Variants in MRC1 observed in about 807,000 individuals in gnomAD.
The protein encoded by MRC1 is macrophage mannose receptor 1.
In MRC1, 62 loss-of-function variants were observed where a neutral mutation model predicts 102.9. That is an observed-to-expected ratio of 0.60 (90% confidence interval 0.49 to 0.74). The LOEUF (loss-of-function observed/expected upper bound fraction) is 0.74. MRC1 is among the 30% of genes least tolerant of loss of function. MRC1 has a pLI of 0.00. For missense variants in MRC1, 1,237 were observed against 862.8 expected, an observed-to-expected ratio of 1.43 and a Z score of -5.43; for synonymous variants, 457 against 298.4, an observed-to-expected ratio of 1.53 and a Z score of -5.48.
chr10:17,828,169 C>G (rs1374489681), intron 3 of MRC1, among the ~76,000 whole-genome samples: 1 of 152,166 alleles, frequency 6.6e-6, no homozygotes, highest in East Asian at 1.9e-4. Context: ...CTCCGCCTCC[C>G]GAGTTCACGC....
chr10:17,868,089 A>C (rs1833302876), intron 12 of MRC1, among the ~76,000 whole-genome samples: 1 of 152,182 alleles, frequency 6.6e-6, no homozygotes, highest in African/African-American at 2.4e-5. Flanking sequence ...ATAACAAACA[A>C]AAACCCCAAT....
chr10:17,855,571 CAAA>C (rs35692453), intron 8 of MRC1, among the ~76,000 whole-genome samples: 6 of 42,084 alleles, frequency 1.4e-4, no homozygotes, highest in Admixed American at 1.1e-3. Flanking sequence ...GACTCCGTCT[CAAA>C]AAAAAAAAAA....
chr10:17,824,321 G>A (rs1838441810), intron 2 of MRC1, among the ~76,000 whole-genome samples: 1 of 152,172 alleles, frequency 6.6e-6, no homozygotes, highest in Non-Finnish European at 1.5e-5. Flanking sequence ...TCGTTATTGT[G>A]AAGTGTTATC....
chr10:17,841,236 A>G (rs1244048750), intron 5 of MRC1, among the ~76,000 whole-genome samples: 1 of 152,220 alleles, frequency 6.6e-6, no homozygotes, highest in Admixed American at 6.5e-5. Flanking sequence ...GTAAAGTTTG[A>G]CAAGTGGATT....
intron 22 of MRC1, among the ~76,000 whole-genome samples, chr10:17,891,169 T>C (rs1051683995): frequency 3.3e-4 from 50 of 150,272 alleles, no homozygotes; most frequent in Admixed American, 1.9e-3. Flanking sequence ...ATTTATTTAT[T>C]TATTTATTTA....
rs1833344797 is a variant in MRC1, at chr10:17,870,839, A to G, written c.2112-9A>G. ...AGCATATGCTTTCTTTATGTTTTGG[A>G]TTTCATAGAGCTAGTGGAAGCTACC... On this transcript the variant is annotated splice_polypyrimidine_tract_variant and intron_variant, in intron 13 of 29. Coordinates refer to ENST00000569591, the MANE Select transcript of MRC1 (RefSeq NM_002438.4). 4.6e-6 allele frequency: 4 copies of G among 872,246 alleles called. No individual in the cohort carries two copies. The highest frequency in any genetic ancestry group is 8.0e-6 in the Non-Finnish European group (4 of 501,170). The allele number at this position is 872,246 out of a possible 1,614,324, so 54.0% of individuals were successfully genotyped here.
chr10:17,862,405 A>G (rs1285085513), intron 10 of MRC1, among the ~76,000 whole-genome samples: 2 of 152,174 alleles, frequency 1.3e-5, no homozygotes, highest in Non-Finnish European at 2.9e-5. Flanking sequence ...TCTGTGAGGG[A>G]GGTAAACTGC....
chr10:17,823,586 A>G (rs1328645349), intron 2 of MRC1, 111 bp downstream of exon 2: 1 of 745,100 alleles, frequency 1.3e-6, no homozygotes, highest in African/African-American at 1.7e-5. Flanking sequence ...AGAAATATCA[A>G]TTGATCAGCA....
At chr10:17,900,128 A>G (rs1295957944) in intron 24 of MRC1, among the ~76,000 whole-genome samples, 5 of 150,742 alleles carry the variant, frequency 3.3e-5, no homozygotes, top group African/African-American at 1.2e-4. Flanking sequence ...AAAGAAATTG[A>G]CTGTGCAAGT....
At chr10:17,845,218 A>G (rs782525680) in intron 5 of MRC1, 71 bp from the exon 6 acceptor site, 2 of 780,508 alleles carry the variant, frequency 2.6e-6, no homozygotes, top group Non-Finnish European at 4.8e-6. Context: ...AGACATGAGG[A>G]GACGTGGGAG....
At chr10:17,815,289 G>A (rs1838293674) in intron 1 of MRC1, among the ~76,000 whole-genome samples, 1 of 152,160 alleles carries the variant, frequency 6.6e-6, no homozygotes, top group Non-Finnish European at 1.5e-5. Context: ...AAATCCTAGA[G>A]CTCTGATTAT....
chr10:17,827,895 A>G (rs889812069), intron 3 of MRC1, among the ~76,000 whole-genome samples, 180 bp downstream of exon 3: 49 of 152,254 alleles, frequency 3.2e-4, no homozygotes, highest in Admixed American at 7.2e-4. Flanking sequence ...AAAATGATCT[A>G]TATTGGCTGA....
At chr10:17,838,580 A>G (rs1467072349) in intron 4 of MRC1, among the ~76,000 whole-genome samples, 2 of 152,150 alleles carry the variant, frequency 1.3e-5, no homozygotes, top group Admixed American at 6.5e-5. Flanking sequence ...GAAAGTAAAA[A>G]AAACAGTGTA....
chr10:17,847,998 T>C (rs1440155587), intron 6 of MRC1, among the ~76,000 whole-genome samples: 1 of 151,514 alleles, frequency 6.6e-6, no homozygotes, highest in Non-Finnish European at 1.5e-5. Context: ...TTTTTAAATA[T>C]GCATTTTTTA....
intron 2 of MRC1, among the ~76,000 whole-genome samples, chr10:17,826,883 C>G (rs970554251): frequency 1.2e-4 from 19 of 152,262 alleles, no homozygotes; most frequent in African/African-American, 9.6e-5. Flanking sequence ...GAGAACAATG[C>G]CAAAATGTCT....
At chr10:17,896,378 T>C (rs1589195005) in intron 23 of MRC1, among the ~76,000 whole-genome samples, 2 of 152,246 alleles carry the variant, frequency 1.3e-5, no homozygotes, top group African/African-American at 4.8e-5. Context: ...TATACTACAC[T>C]CTATAGCACC....
Position 17,863,603 on chromosome 10 carries a change from A to G in MRC1, c.1704A>G (p.Ser568=). The G allele has an allele frequency of 1.3e-6, 1 of 780,876 alleles. No individual in the cohort carries two copies. The highest frequency in any genetic ancestry group is 1.7e-5 in the Admixed American group (1 of 59,032). The allele number at this position is 780,876 out of a possible 1,614,324, so 48.4% of individuals were successfully genotyped here. Residue 568 remains serine (S), a synonymous_variant, in exon 11 of 30, where the codon TCA becomes TCG. Transcript: ENST00000569591. The part of the protein sequence containing the change: ...RPEKYFWTGL[S]DIQTKGTFQW... ...AAAAATATTTCTGGACAGGACTTTC[A>G]GATATACAAACCAAAGGGACTTTTC...
intron 5 of MRC1, 144 bp downstream of exon 5, chr10:17,840,950 A>C: frequency 1.4e-6 from 1 of 723,292 alleles, no homozygotes; most frequent in Non-Finnish European, 2.6e-6. Context: ...TTGTTTTGAA[A>C]TCTATGCTAG....
intron 22 of MRC1, among the ~76,000 whole-genome samples, chr10:17,886,317 C>CCTTCCTTCCT (rs1833593369): frequency 8.2e-6 from 1 of 122,078 alleles, no homozygotes; most frequent in African/African-American, 3.7e-5. Context: ...CCTTCCTTCC[C>CCTTCCTTCCT]TCCTTCCTTC....
Sources: gnomAD v4.1 joint callset for allele counts (sites outside exome capture counted in the v4.1 genomes callset) on GRCh38, gnomAD v4.1.1 for gene constraint, MANE v1.5 for transcripts, NCBI Gene and HGNC (gene_info 2026-07-23, HGNC 2026-07-21) for gene names.